MINPP1: variants seen among roughly 807,000 people sequenced by gnomAD.
The protein encoded by MINPP1 is multiple inositol polyphosphate phosphatase 1.
Under a neutral mutation model 46.1 loss-of-function variants are expected in MINPP1, and 28 were observed. The observed-to-expected ratio is 0.61, with a 90% CI of 0.45 to 0.83. The LOEUF is 0.83. Ranked by LOEUF, MINPP1 falls within the 40% of genes least tolerant of loss-of-function variation. The pLI, the probability that MINPP1 is intolerant of heterozygous loss-of-function variation, is 0.00. For missense variants in MINPP1, 603 were observed against 610.0 expected (o/e 0.99, Z 0.12); for synonymous variants, 268 against 249.1 (o/e 1.08, Z -0.72).
intron 4 of MINPP1, among the ~76,000 whole-genome samples, chr10:87,523,018 C>G (rs1851524812): frequency 1.3e-5 from 2 of 152,274 alleles, no homozygotes; most frequent in South Asian, 4.1e-4. Context: ...GAAGCAACTC[C>G]TCAGGTGTTC....
chr10:87,513,955 C>G (rs1022046187), intron 3 of MINPP1, among the ~76,000 whole-genome samples: 4 of 152,114 alleles, frequency 2.6e-5, no homozygotes, highest in African/African-American at 4.8e-5. Flanking sequence ...CCAGAGGCTG[C>G]TTGCATTTCC....
intron 4 of MINPP1, among the ~76,000 whole-genome samples, chr10:87,524,817 C>T (rs1851551228): frequency 6.6e-6 from 1 of 152,028 alleles, no homozygotes; most frequent in Non-Finnish European, 1.5e-5. Flanking sequence ...TTAAATTTAC[C>T]ATCTTATATG....
At chr10:87,508,107 T>A in intron 1 of MINPP1, 1 of 1,516,978 alleles carries the variant, frequency 6.6e-7, no homozygotes, top group Non-Finnish European at 8.8e-7. Flanking sequence ...ACACATTTAA[T>A]CTTCAATCTC....
At chr10:87,511,263 G>A (rs984718898) in intron 2 of MINPP1, among the ~76,000 whole-genome samples, 1 of 151,962 alleles carries the variant, frequency 6.6e-6, no homozygotes, top group Non-Finnish European at 1.5e-5. Flanking sequence ...TTATCTCTTA[G>A]GTTTGTTGAT....
At chr10:87,550,655 G>T (rs1424109032) in intron 4 of MINPP1, among the ~76,000 whole-genome samples, 2 of 152,078 alleles carry the variant, frequency 1.3e-5, no homozygotes, top group Non-Finnish European at 2.9e-5. Flanking sequence ...TCATCTCACA[G>T]AGCCCCCCCG....
intron 3 of MINPP1, among the ~76,000 whole-genome samples, chr10:87,519,321 C>T (rs1034808642): frequency 6.6e-6 from 1 of 152,184 alleles, no homozygotes; most frequent in African/African-American, 2.4e-5. Context: ...CTCAGGTTTG[C>T]CAGCTTCCTT....
At chr10:87,520,332 C>A (rs935113108) in intron 3 of MINPP1, among the ~76,000 whole-genome samples, 1 of 151,992 alleles carries the variant, frequency 6.6e-6, no homozygotes, top group African/African-American at 2.4e-5. Flanking sequence ...TACATTCTCC[C>A]TGGTGTTCCT....
intron 2 of MINPP1, among the ~76,000 whole-genome samples, chr10:87,512,039 A>G (rs143174925): frequency 6.6e-6 from 1 of 152,256 alleles, no homozygotes; most frequent in South Asian, 2.1e-4. Context: ...ATTTTCCTTT[A>G]GGAAAACAGG....
intron 3 of MINPP1, among the ~76,000 whole-genome samples, chr10:87,517,948 C>T (rs1161282721): frequency 6.6e-6 from 1 of 151,360 alleles, no homozygotes; most frequent in Non-Finnish European, 1.5e-5. Context: ...AGGTGTGAGC[C>T]ACTGCACCTG....
intron 4 of MINPP1, among the ~76,000 whole-genome samples, chr10:87,531,476 G>A (rs1851659832): frequency 6.6e-6 from 1 of 152,200 alleles, no homozygotes; most frequent in Admixed American, 6.5e-5. Flanking sequence ...GAATTTTCAT[G>A]CATGGCTTGT....
At chr10:87,518,787 T>C (rs1851451366) in intron 3 of MINPP1, among the ~76,000 whole-genome samples, 1 of 152,190 alleles carries the variant, frequency 6.6e-6, no homozygotes, top group Non-Finnish European at 1.5e-5. Context: ...TGGTTTATTA[T>C]AAAGGATGTT....
At chr10:87,507,888 T>C in intron 1 of MINPP1, 1 of 1,137,266 alleles carries the variant, frequency 8.8e-7, no homozygotes, top group Non-Finnish European at 1.1e-6. Context: ...TGTAAAGTAA[T>C]ACAGAGTTGG....
intron 1 of MINPP1, among the ~76,000 whole-genome samples, chr10:87,507,541 A>G (rs1851269936): frequency 2.6e-5 from 4 of 152,116 alleles, no homozygotes; most frequent in Admixed American, 2.6e-4. Flanking sequence ...ACTATATTCA[A>G]TTTTCTCATA....
Position 87,505,057 on chromosome 10 carries a change from G to C in MINPP1, c.142G>C (p.Gly48Arg), listed in dbSNP as rs1219942620. ...GGCCTCGTCGCTCAGCCCCTATTTC[G>C]GCACCAAGACTCGCTACGAGGATGT... ...PVASSLSPYF[G>R]TKTRYEDVNP... The change falls in exon 1 of 5, where the codon GGC (glycine) becomes CGC (arginine). Residue 48 changes from glycine (G) to arginine (R), a missense_variant. Physicochemically the swap from Gly to Arg is moderately radical, Grantham distance 125. Coordinates refer to ENST00000371996, the MANE Select transcript of MINPP1 (RefSeq NM_004897.5). This position sits in a 1 kb window ranked among gnomAD's most constrained non-coding sequence, Gnocchi z 4.4. 6.2e-7 allele frequency: 1 copy of C among 1,613,472 alleles called. No individual in the cohort carries two copies. The highest frequency in any genetic ancestry group is 2.2e-5 in the East Asian group (1 of 44,864).
chr10:87,508,409 T>G lies in MINPP1; in HGVS notation c.711T>G (p.Thr237=). The change falls in exon 2 of 5, where the codon ACT becomes ACG. Residue 237 remains threonine (T), a synonymous_variant. Transcript: ENST00000371996. ...TTGATCACTGTGAGAAGTTTTTAAC[T>G]GAAGTAGAAAAAAATGCTACAGCTC... ...RFFDHCEKFL[T]EVEKNATALY... The G allele has an allele frequency of 2.5e-6, 4 of 1,613,482 alleles. No homozygotes were observed. The highest frequency in any genetic ancestry group is 3.4e-6 in the Non-Finnish European group (4 of 1,179,758).
chr10:87,550,685 C>A (rs534401911), intron 4 of MINPP1, among the ~76,000 whole-genome samples: 72 of 151,976 alleles, frequency 4.7e-4, no homozygotes, highest in Admixed American at 9.2e-4. Flanking sequence ...GTGTACTGTT[C>A]AGAAGTATGA....
At position 87,505,249 on chromosome 10, in the gene MINPP1, C is replaced by T. The variant is rs1214367643; in HGVS notation, c.334C>T (p.Arg112Cys). The T allele has an allele frequency of 1.2e-6, 2 of 1,612,536 alleles. No individual in the cohort carries two copies. The highest frequency in any genetic ancestry group is 1.7e-6 in the Non-Finnish European group (2 of 1,179,118). ...GCAGCTGCACGGGTTGCTGCAGGCCCGCGGGTCCAGGGATGGCGGGGCTAG... is the reference window on the plus strand; with the variant it reads ...GCAGCTGCACGGGTTGCTGCAGGCCTGCGGGTCCAGGGATGGCGGGGCTAG... Reference protein sequence around the residue: ...LRQLHGLLQARGSRDGGASST... With the variant: ...LRQLHGLLQACGSRDGGASST... Residue 112 changes from arginine to cysteine, a missense_variant, in exon 1 of 5, where the codon CGC (arginine) becomes TGC (cysteine). Arg to Cys is a radical substitution (Grantham distance 180). Coordinates refer to ENST00000371996, the MANE Select transcript of MINPP1 (RefSeq NM_004897.5). The surrounding 1 kb of genome is among the most constrained non-coding windows in gnomAD (Gnocchi z 4.4).
At chr10:87,522,964 C>T (rs1271208509) in intron 4 of MINPP1, among the ~76,000 whole-genome samples, 1 of 152,180 alleles carries the variant, frequency 6.6e-6, no homozygotes, top group Non-Finnish European at 1.5e-5. Flanking sequence ...GTATCTTCAC[C>T]AGGCGTAGAT....
chr10:87,548,758 T>TA (rs1446055629), intron 4 of MINPP1, among the ~76,000 whole-genome samples: 2 of 152,160 alleles, frequency 1.3e-5, no homozygotes, highest in Non-Finnish European at 2.9e-5. Flanking sequence ...CTACTTTTTT[T>TA]AAACTATTAC....
Sources: allele counts gnomAD v4.1 joint callset (sites outside exome capture counted in the v4.1 genomes callset), GRCh38; gene constraint gnomAD v4.1.1; non-coding constraint Gnocchi (gnomAD v3.1); transcripts MANE v1.5; gene names NCBI Gene and HGNC (gene_info 2026-07-23, HGNC 2026-07-21).